Variants in SAMMSON observed in about 807,000 individuals in gnomAD.
SAMMSON encodes the protein survival associated mitochondrial melanoma specific oncogenic non-coding RNA, also known as long intergenic non-protein coding RNA 1212.
intron 7 of SAMMSON, among the ~76,000 whole-genome samples, chr3:70,344,070 T>C (rs1055713331): frequency 6.6e-6 from 1 of 152,078 alleles, no homozygotes; most frequent in Admixed American, 6.6e-5. Context: ...ACTAATGATA[T>C]GGACAGGAGA....
intron 6 of SAMMSON, among the ~76,000 whole-genome samples, chr3:70,285,551 A>C (rs59967808): frequency 0.064 from 9,726 of 151,880 alleles, 880 homozygotes; most frequent in East Asian, 0.48. Flanking sequence ...AGCATGATTT[A>C]TAGTCCTTTG....
intron 7 of SAMMSON, among the ~76,000 whole-genome samples, chr3:70,335,733 C>A (rs1433386801): frequency 2.0e-5 from 3 of 151,904 alleles, no homozygotes; most frequent in African/African-American, 2.4e-5. Context: ...TTTACCACCA[C>A]CAACAACAAA....
chr3:70,226,553 C>A (rs897335934), intron 4 of SAMMSON, among the ~76,000 whole-genome samples: 1 of 151,930 alleles, frequency 6.6e-6, no homozygotes. Context: ...GCCTTGCCAA[C>A]ATGGTGAAAT....
At chr3:70,335,012 G>A (rs775363700) in intron 7 of SAMMSON, among the ~76,000 whole-genome samples, 1 of 147,432 alleles carries the variant, frequency 6.8e-6, no homozygotes, top group African/African-American at 2.5e-5. Flanking sequence ...TTGCTTCCAG[G>A]TTGTCCTGGA....
At chr3:70,342,966 G>C (rs1702723299) in intron 7 of SAMMSON, among the ~76,000 whole-genome samples, 2 of 152,102 alleles carry the variant, frequency 1.3e-5, no homozygotes, top group Non-Finnish European at 2.9e-5. Context: ...GTTAGTTGTG[G>C]GTGTAAAATG....
intron 4 of SAMMSON, among the ~76,000 whole-genome samples, chr3:70,130,434 G>A (rs1207736201): frequency 1.3e-5 from 2 of 152,114 alleles, no homozygotes; most frequent in African/African-American, 4.8e-5. Flanking sequence ...TTCCAAAGTT[G>A]GCCATACAAA....
chr3:70,236,386 A>G (rs866646026), intron 4 of SAMMSON, among the ~76,000 whole-genome samples: 6 of 152,224 alleles, frequency 3.9e-5, no homozygotes, highest in Middle Eastern at 3.4e-3. Flanking sequence ...ATTTTATTAT[A>G]CATTTATATT....
intron 4 of SAMMSON, among the ~76,000 whole-genome samples, chr3:70,193,842 A>G (rs115326959): frequency 6.0e-4 from 92 of 152,302 alleles, no homozygotes; most frequent in Non-Finnish European, 1.1e-3. Context: ...CCTATCAAAT[A>G]TTTCCATCTA....
intron 2 of SAMMSON, among the ~76,000 whole-genome samples, chr3:70,430,463 C>A (rs917615175): frequency 3.3e-5 from 5 of 151,974 alleles, no homozygotes; most frequent in African/African-American, 9.7e-5. Flanking sequence ...TGAGATCAAT[C>A]TAGTAGAAGG....
intron 3 of SAMMSON, among the ~76,000 whole-genome samples, chr3:70,038,574 GA>G (rs936381121): frequency 2.6e-5 from 4 of 152,102 alleles, no homozygotes; most frequent in Non-Finnish European, 4.4e-5. Flanking sequence ...AATTTATACA[GA>G]AAGGCATTTT....
chr3:70,244,531 A>G (rs1701688850), intron 4 of SAMMSON, among the ~76,000 whole-genome samples: 1 of 152,224 alleles, frequency 6.6e-6, no homozygotes, highest in African/African-American at 2.4e-5. Flanking sequence ...TAGGCTAACA[A>G]ATCTATTTGA....
At chr3:70,132,223 A>G (rs891699581) in intron 4 of SAMMSON, among the ~76,000 whole-genome samples, 5 of 152,166 alleles carry the variant, frequency 3.3e-5, no homozygotes, top group Admixed American at 3.3e-4. Context: ...ACTTCAATAC[A>G]GCAGCCAACC....
chr3:70,206,738 A>G (rs1195817408), intron 4 of SAMMSON: 2 of 397,772 alleles, frequency 5.0e-6, no homozygotes, highest in Non-Finnish European at 8.9e-6. Context: ...AATTTATAAC[A>G]ATAGCATTAA....
intron 3 of SAMMSON, among the ~76,000 whole-genome samples, chr3:70,020,060 G>A (rs1452770419): frequency 6.6e-6 from 1 of 152,152 alleles, no homozygotes; most frequent in Non-Finnish European, 1.5e-5. Flanking sequence ...CTTAAAGGTA[G>A]AGTTAAAAAT....
chr3:70,402,025 A>C (rs1383744499), intron 2 of SAMMSON, among the ~76,000 whole-genome samples: 1 of 152,174 alleles, frequency 6.6e-6, no homozygotes, highest in Non-Finnish European at 1.5e-5. Context: ...CAGGTTACTT[A>C]AAAGTGTGAC....
intron 6 of SAMMSON, among the ~76,000 whole-genome samples, chr3:70,268,334 G>T (rs1044989681): frequency 1.3e-5 from 2 of 152,066 alleles, no homozygotes; most frequent in Non-Finnish European, 2.9e-5. Flanking sequence ...AATTAGCCAG[G>T]CGTGGTTGTG....
chr3:70,388,948 G>A (rs779723542), intron 9 of SAMMSON, among the ~76,000 whole-genome samples: 19 of 152,062 alleles, frequency 1.2e-4, no homozygotes, highest in Non-Finnish European at 2.8e-4. Context: ...TCATCAATAG[G>A]TTAATGCCAT....
At chr3:70,101,999 T>C in intron 4 of SAMMSON, among the ~76,000 whole-genome samples, 1 of 152,214 alleles carries the variant, frequency 6.6e-6, no homozygotes, top group East Asian at 1.9e-4. Flanking sequence ...TTATATCCAC[T>C]AGTTTCTGTC....
Position 70,126,096 on chromosome 3 carries a change from A to G in SAMMSON, n.507+54531A>G, listed in dbSNP as rs972321565. 3 of 1,242,050 alleles carry G rather than the reference A, an allele frequency of 2.4e-6. No homozygotes were observed. In the Admixed American group the frequency reaches 5.9e-5, roughly 25 times the overall value. The allele number at this position is 1,242,050 out of a possible 1,614,324, so 76.9% of individuals were successfully genotyped here. On this transcript the variant is annotated intron_variant and non_coding_transcript_variant, in intron 4 of 9. Coordinates refer to ENST00000642114, the Ensembl canonical transcript of SAMMSON. Reference sequence around the variant, plus strand: ...AGAACTTAGGCACGCTTGCCAAAGCATTTACTCTGTTTGTTAGGATTGTGC... The same window carrying G: ...AGAACTTAGGCACGCTTGCCAAAGCGTTTACTCTGTTTGTTAGGATTGTGC...
Sources: allele counts gnomAD v4.1 joint callset (sites outside exome capture counted in the v4.1 genomes callset), GRCh38; gene constraint gnomAD v4.1.1; transcripts MANE v1.5; gene names NCBI Gene and HGNC (gene_info 2026-07-23, HGNC 2026-07-21).